ATP1B3: variants seen among roughly 807,000 people sequenced by gnomAD.
ATP1B3 encodes the protein sodium/potassium-transporting ATPase subunit beta-3.
In ATP1B3, 10 loss-of-function variants were observed where a neutral mutation model predicts 30.2. The observed-to-expected ratio is 0.33, with a 90% CI of 0.20 to 0.56. The LOEUF is 0.56. Ranked by LOEUF, ATP1B3 falls within the 20% of genes least tolerant of loss-of-function variation. The pLI is 0.90. For synonymous variants in ATP1B3, 113 were observed against 117.0 expected (o/e 0.97, Z 0.22); for missense variants, 238 against 336.7 (o/e 0.71, Z 2.29).
chr3:141,920,123 CAGAG>C (rs1398855130), intron 5 of ATP1B3, among the ~76,000 whole-genome samples: 1 of 152,134 alleles, frequency 6.6e-6, no homozygotes, highest in Non-Finnish European at 1.5e-5. Flanking sequence ...TAGGCACACA[CAGAG>C]AGCAGTTGAG....
At chr3:141,899,698 C>T (rs1160236608) in intron 1 of ATP1B3, among the ~76,000 whole-genome samples, 4 of 152,104 alleles carry the variant, frequency 2.6e-5, no homozygotes, top group Non-Finnish European at 5.9e-5. Flanking sequence ...GGAGAAACCC[C>T]GTCTCTACTA....
rs962480088 is a variant in ATP1B3 at position 141,902,242 on chromosome 3, G to C, written c.110-1378G>C. 3.2e-6 allele frequency: 4 copies of C among 1,269,522 alleles called. No homozygotes were observed. In the African/African-American group the frequency reaches 6.1e-5, roughly 19 times the overall value. The allele number at this position is 1,269,522 out of a possible 1,614,324, so 78.6% of individuals were successfully genotyped here. On this transcript the variant is annotated intron_variant, in intron 1 of 6. Coordinates refer to ENST00000286371, the MANE Select transcript of ATP1B3 (RefSeq NM_001679.4). Reference sequence around the variant, plus strand: ...TTGGCCACCTGGTAATTGGGGGGGAGGGGTAGAATGCTAGTCTAAATTATA... The same window carrying C: ...TTGGCCACCTGGTAATTGGGGGGGACGGGTAGAATGCTAGTCTAAATTATA...
intron 5 of ATP1B3, chr3:141,916,652 C>T: frequency 9.9e-7 from 1 of 1,009,826 alleles, no homozygotes; most frequent in Non-Finnish European, 1.3e-6. Flanking sequence ...GATTGTATGG[C>T]AGAAATATTT....
At chr3:141,885,536 C>T (rs563611574) in intron 1 of ATP1B3, among the ~76,000 whole-genome samples, 7 of 152,286 alleles carry the variant, frequency 4.6e-5, no homozygotes, top group Admixed American at 3.3e-4. Context: ...GCAACCTCCG[C>T]CTCCCAGGTT....
Position 141,877,920 on chromosome 3 carries a change from C to G in ATP1B3, c.109+1010C>G, listed in dbSNP as rs1399506073. Among the ~76,000 whole-genome samples the G allele has an allele frequency of 3.3e-5, 5 of 151,060 alleles. No individual in the cohort carries two copies. In the East Asian group the frequency reaches 9.8e-4, roughly 29 times the overall value. ...CATTTTGTTAGTGGGTCTTGAAAGA[C>G]CATTTCTTTCTGAGTGGGAATAAAT... On this transcript the variant is annotated intron_variant, in intron 1 of 6. Coordinates refer to ENST00000286371, the MANE Select transcript of ATP1B3 (RefSeq NM_001679.4).
chr3:141,880,377 A>C (rs1312469100), intron 1 of ATP1B3, among the ~76,000 whole-genome samples: 1 of 152,236 alleles, frequency 6.6e-6, no homozygotes, highest in Non-Finnish European at 1.5e-5. Context: ...GGGTGATCCA[A>C]GTGTACTTAG....
chr3:141,883,458 C>T (rs1933771268), intron 1 of ATP1B3, among the ~76,000 whole-genome samples: 1 of 152,094 alleles, frequency 6.6e-6, no homozygotes, highest in Admixed American at 6.6e-5. Flanking sequence ...GTCGAGGCTA[C>T]AATGAGCTGT....
intron 1 of ATP1B3, among the ~76,000 whole-genome samples, chr3:141,897,756 C>T (rs1255570327): frequency 6.6e-6 from 1 of 152,182 alleles, no homozygotes; most frequent in African/African-American, 2.4e-5. Flanking sequence ...GACACCCAGG[C>T]TGGAGTGCAA....
At chr3:141,900,617 A>G (rs925835004) in intron 1 of ATP1B3, among the ~76,000 whole-genome samples, 1 of 152,078 alleles carries the variant, frequency 6.6e-6, no homozygotes, top group African/African-American at 2.4e-5. Context: ...CTGCAGCAGC[A>G]TTTCTATGGA....
chr3:141,924,899 G>A (rs1226077115), intron 6 of ATP1B3, among the ~76,000 whole-genome samples: 1 of 152,178 alleles, frequency 6.6e-6, no homozygotes, highest in African/African-American at 2.4e-5. Flanking sequence ...GTTGCAGTGA[G>A]CCGGGATCGT....
intron 3 of ATP1B3, among the ~76,000 whole-genome samples, chr3:141,910,780 C>CG (rs1021157722): frequency 2.9e-4 from 43 of 149,454 alleles, no homozygotes; most frequent in Admixed American, 9.3e-4. Flanking sequence ...GCCCTGCCCC[C>CG]CCCTTTTTTT....
At chr3:141,911,184 T>C (rs11717068) in intron 3 of ATP1B3, among the ~76,000 whole-genome samples, 58,670 of 151,860 alleles carry the variant, frequency 0.39, 11,926 homozygotes, top group East Asian at 0.66. Context: ...TTCTGGTTTT[T>C]TCTTTCTAGA....
At chr3:141,912,452 G>A (rs1305515987) in intron 3 of ATP1B3, among the ~76,000 whole-genome samples, 3 of 152,118 alleles carry the variant, frequency 2.0e-5, no homozygotes, top group African/African-American at 4.8e-5. Flanking sequence ...TAGTAGAGTC[G>A]TGGTTTCACC....
chr3:141,886,667 A>G (rs1164812791), intron 1 of ATP1B3, among the ~76,000 whole-genome samples: 12 of 152,196 alleles, frequency 7.9e-5, no homozygotes, highest in Non-Finnish European at 1.8e-4. Flanking sequence ...TAAAGCTTAG[A>G]TAACTCAAGA....
At chr3:141,898,555 C>G (rs1023532253) in intron 1 of ATP1B3, among the ~76,000 whole-genome samples, 6 of 152,124 alleles carry the variant, frequency 3.9e-5, no homozygotes, top group African/African-American at 7.2e-5. Context: ...CAAAGAGATA[C>G]TACATTGTAT....
Position 141,876,881 on chromosome 3 carries a change from A to C in ATP1B3, c.80A>C (p.Glu27Ala). The change falls in exon 1 of 7, where the codon GAA becomes GCA. Residue 27 changes from glutamate (E) to alanine (A), a missense_variant. By Grantham distance (107) the Glu-to-Ala change is moderately radical. Around this residue, in one of 3 missense-constraint regions of ATP1B3, gnomAD observed 130 missense variants for 148.8 expected, o/e 0.87. Coordinates refer to ENST00000286371, the MANE Select transcript of ATP1B3 (RefSeq NM_001679.4). ...KLFIYNPTTG[E>A]FLGRTAKSWG... ...TTCATCTACAACCCGACCACCGGAG[A>C]ATTCCTGGGGCGCACCGCCAAGAGC... is the stretch of plus-strand genomic sequence containing the variant. 3 of 1,581,262 alleles carry C rather than the reference A, an allele frequency of 1.9e-6. No homozygotes were observed. The highest frequency in any genetic ancestry group is 2.6e-6 in the Non-Finnish European group (3 of 1,164,070).
chr3:141,887,509 T>G (rs1391512822), intron 1 of ATP1B3, among the ~76,000 whole-genome samples: 1 of 152,192 alleles, frequency 6.6e-6, no homozygotes, highest in African/African-American at 2.4e-5. Flanking sequence ...CAGTGTCTTA[T>G]AAAGGTAAAT....
At chr3:141,924,691 T>C (rs1934623194) in intron 6 of ATP1B3, among the ~76,000 whole-genome samples, 1 of 151,810 alleles carries the variant, frequency 6.6e-6, no homozygotes, top group South Asian at 2.1e-4. Context: ...TGGCGGCTCA[T>C]GCCTATATAT....
chr3:141,876,748 C>T lies in ATP1B3; in HGVS notation c.-54C>T. The T allele has an allele frequency of 6.9e-7, 1 of 1,456,478 alleles. No homozygotes were observed. The highest frequency in any genetic ancestry group is 9.4e-7 in the Non-Finnish European group (1 of 1,058,902). The allele number at this position is 1,456,478 out of a possible 1,614,324, so 90.2% of individuals were successfully genotyped here. ...GGAGCCGGGACGCGCCTCCGCAGCCCTCGCCGCCTCCATCCCCGCGGCCGC... is the reference window on the plus strand; with the variant it reads ...GGAGCCGGGACGCGCCTCCGCAGCCTTCGCCGCCTCCATCCCCGCGGCCGC... On this transcript the variant is annotated 5_prime_UTR_variant, in exon 1 of 7. Coordinates refer to ENST00000286371, the MANE Select transcript of ATP1B3 (RefSeq NM_001679.4).
Sources: allele counts gnomAD v4.1 joint callset (sites outside exome capture counted in the v4.1 genomes callset), GRCh38; gene constraint gnomAD v4.1.1; regional missense constraint gnomAD v4.1.1; transcripts MANE v1.5; gene names NCBI Gene and HGNC (gene_info 2026-07-23, HGNC 2026-07-21).